SLC25A21: variants seen among roughly 807,000 people sequenced by gnomAD.
The protein encoded by SLC25A21 is mitochondrial 2-oxodicarboxylate carrier.
A neutral mutation model predicts 43.8 loss-of-function variants in SLC25A21; 47 were observed. The ratio of observed to expected loss-of-function variants is 1.07; its 90% CI spans 0.85 to 1.37. The LOEUF (loss-of-function observed/expected upper bound fraction) is 1.37, where lower values mean the gene tolerates loss of function less well. Among genes scored for constraint, SLC25A21 ranks in the 40% most tolerant of loss-of-function variants. The pLI, the probability that SLC25A21 is intolerant of heterozygous loss-of-function variation, is 0.00. For missense variants in SLC25A21, 352 were observed against 350.2 expected (o/e 1.00, Z -0.04); for synonymous variants, 131 against 121.3 (o/e 1.08, Z -0.52).
At chr14:37,166,292 T>C (rs12893236) in intron 1 of SLC25A21, among the ~76,000 whole-genome samples, 41,549 of 152,140 alleles carry the variant, frequency 0.27, 5,920 homozygotes, top group South Asian at 0.31. Flanking sequence ...TTTGCCTAGA[T>C]AGATGAAATG....
At chr14:37,163,286 T>TATA (rs891286096) in intron 1 of SLC25A21, among the ~76,000 whole-genome samples, 1 of 132,062 alleles carries the variant, frequency 7.6e-6, no homozygotes, top group Non-Finnish European at 1.6e-5. Context: ...AAACTTAAAG[T>TATA]ATAATAATAA....
At chr14:36,726,966 T>C (rs1884625998) in intron 5 of SLC25A21, among the ~76,000 whole-genome samples, 1 of 152,190 alleles carries the variant, frequency 6.6e-6, no homozygotes, top group Non-Finnish European at 1.5e-5. Context: ...TGTGTAACCT[T>C]AGAAAGGGAG....
intron 2 of SLC25A21, among the ~76,000 whole-genome samples, chr14:36,833,832 A>G (rs967981644): frequency 1.3e-5 from 2 of 152,244 alleles, no homozygotes; most frequent in African/African-American, 4.8e-5. Context: ...TAAAAGTCCA[A>G]CTTCCCCTAT....
At chr14:36,952,353 A>AT (rs1172723458) in intron 1 of SLC25A21, 5 of 153,408 alleles carry the variant, frequency 3.3e-5, no homozygotes, top group South Asian at 4.1e-4. Flanking sequence ...ATAGAAATTT[A>AT]TATGTAAATT....
intron 1 of SLC25A21, among the ~76,000 whole-genome samples, chr14:36,988,126 G>C (rs1960186149): frequency 6.6e-6 from 1 of 152,166 alleles, no homozygotes; most frequent in Non-Finnish European, 1.5e-5. Flanking sequence ...TCTGCCATTT[G>C]ACATACCTGT....
rs113992600 is a variant in SLC25A21 at position 36,750,023 on chromosome 14, A to G, written c.204-15450T>C. The stretch of plus-strand genomic sequence containing the variant: ...GGATTTCTGTCTGTTTTATTTACTG[A>G]TGTCTCCCCAGGACCAAATATAGGA... On this transcript the variant is annotated intron_variant, in intron 3 of 9. Coordinates refer to ENST00000331299, the MANE Select transcript of SLC25A21 (RefSeq NM_030631.4). Among the ~76,000 whole-genome samples, 1,195 of 152,194 alleles carry G rather than the reference A, an allele frequency of 7.9e-3. 18 individuals carry two copies. Among genetic ancestry groups the G allele is most frequent in the African/African-American group, 0.027 (1,129 of 41,516 alleles).
At chr14:36,977,351 T>C (rs1959900653) in intron 1 of SLC25A21, among the ~76,000 whole-genome samples, 1 of 152,190 alleles carries the variant, frequency 6.6e-6, no homozygotes, top group African/African-American at 2.4e-5. Flanking sequence ...ATTCTTTGCT[T>C]AGAAGGCCCC....
At chr14:37,011,177 G>T (rs546957884) in intron 1 of SLC25A21, among the ~76,000 whole-genome samples, 1 of 152,036 alleles carries the variant, frequency 6.6e-6, no homozygotes, top group Non-Finnish European at 1.5e-5. Flanking sequence ...ATCAGCCACC[G>T]TGCCCAGCCT....
intron 1 of SLC25A21, among the ~76,000 whole-genome samples, chr14:36,918,088 G>A (rs371796165): frequency 5.9e-5 from 9 of 152,126 alleles, no homozygotes; most frequent in African/African-American, 1.9e-4. Flanking sequence ...GTGACTCTGC[G>A]ATGCAGATGA....
At chr14:37,129,828 T>G (rs1963362373) in intron 1 of SLC25A21, among the ~76,000 whole-genome samples, 1 of 151,790 alleles carries the variant, frequency 6.6e-6, no homozygotes, top group South Asian at 2.1e-4. Flanking sequence ...TCTATTTAAC[T>G]TATATTTATT....
intron 1 of SLC25A21, among the ~76,000 whole-genome samples, chr14:37,099,439 T>C (rs758396809): frequency 6.6e-6 from 1 of 152,172 alleles, no homozygotes; most frequent in African/African-American, 2.4e-5. Context: ...TAACAGTCAT[T>C]TGTTGTCTCA....
At chr14:36,904,471 AAT>A (rs1169085608) in intron 1 of SLC25A21, among the ~76,000 whole-genome samples, 1 of 152,212 alleles carries the variant, frequency 6.6e-6, no homozygotes, top group Non-Finnish European at 1.5e-5. Context: ...ATGTATGGAA[AAT>A]ATAACTAAGG....
intron 1 of SLC25A21, among the ~76,000 whole-genome samples, chr14:36,901,429 A>C (rs1189895494): frequency 6.6e-6 from 1 of 152,202 alleles, no homozygotes; most frequent in Non-Finnish European, 1.5e-5. Flanking sequence ...ACTATGGTAA[A>C]CTATTACCTA....
chr14:36,865,994 T>A (rs1249527050), intron 2 of SLC25A21, among the ~76,000 whole-genome samples: 2 of 152,142 alleles, frequency 1.3e-5, no homozygotes. Context: ...ACAGCCAAAG[T>A]ATGCATTGGC....
intron 1 of SLC25A21, among the ~76,000 whole-genome samples, chr14:36,976,980 A>G (rs1362736712): frequency 6.6e-6 from 1 of 152,200 alleles, no homozygotes. Context: ...TGTACTCAGG[A>G]GCAAATGCTA....
intron 2 of SLC25A21, among the ~76,000 whole-genome samples, chr14:36,827,950 A>G (rs848064): frequency 0.96 from 146,050 of 152,274 alleles, 70,339 homozygotes; most frequent in East Asian, 1. Context: ...AAAGTTAAAG[A>G]CACAAGACAA....
chr14:36,715,610 T>C (rs1884093557), intron 6 of SLC25A21, among the ~76,000 whole-genome samples: 1 of 152,232 alleles, frequency 6.6e-6, no homozygotes, highest in Admixed American at 6.5e-5. Context: ...CTTCATTGAC[T>C]GCACCCAATC....
intron 1 of SLC25A21, among the ~76,000 whole-genome samples, chr14:36,883,384 G>A (rs1890807374): frequency 6.6e-6 from 1 of 152,170 alleles, no homozygotes; most frequent in South Asian, 2.1e-4. Context: ...TGGACCAAGA[G>A]TAGTCCCGAC....
chr14:36,776,234 C>CTTTTTTTTTTTTTTTTTTTTTTTTTTT (rs1397904925), intron 3 of SLC25A21, among the ~76,000 whole-genome samples: 4 of 75,724 alleles, frequency 5.3e-5, no homozygotes, highest in African/African-American at 2.3e-4. Context: ...TTCTTTCTTT[C>CTTTTTTTTTTTTTTTTTTTTTTTTTTT]TTTCTTTTTT....
Sources: allele counts gnomAD v4.1 joint callset (sites outside exome capture counted in the v4.1 genomes callset), GRCh38; gene constraint gnomAD v4.1.1; transcripts MANE v1.5; gene names NCBI Gene and HGNC (gene_info 2026-07-23, HGNC 2026-07-21).